The following HEATR1 variants were observed in gnomAD, a reference collection of about 807,000 sequenced individuals.
The protein encoded by HEATR1 is HEAT repeat-containing protein 1.
HEATR1 carries 77 observed loss-of-function variants against 248.2 expected under a neutral mutation model. The observed-to-expected ratio is 0.31, with a 90% CI of 0.26 to 0.37. The LOEUF is 0.37. Ranked by LOEUF, HEATR1 falls within the 10% of genes least tolerant of loss-of-function variation. The pLI, the probability that HEATR1 is intolerant of heterozygous loss-of-function variation, is 1.00. For missense variants in HEATR1, 2,420 were observed against 2,504.9 expected (o/e 0.97, Z 0.72); for synonymous variants, 897 against 923.1 (o/e 0.97, Z 0.51).
At chr1:236,556,355 G>T in intron 37 of HEATR1, 97 bp from the exon 38 acceptor site, 1 of 1,270,972 alleles carries the variant, frequency 7.9e-7, no homozygotes. Context: ...CTAGTGTTTG[G>T]AAAATGCTTA....
At chr1:236,603,120 G>C in intron 3 of HEATR1, 40 bp downstream of exon 3, 1 of 1,490,454 alleles carries the variant, frequency 6.7e-7, no homozygotes. Flanking sequence ...CAAGACCAAA[G>C]TGATTAACCC....
At chr1:236,586,071 T>A in intron 15 of HEATR1, 130 bp from the exon 16 acceptor site, 1 of 1,326,974 alleles carries the variant, frequency 7.5e-7, no homozygotes, top group East Asian at 2.5e-5. Flanking sequence ...TATCCGATTC[T>A]GAATTTGTCT....
chr1:236,559,527 T>G (rs1663066397), intron 34 of HEATR1, among the ~76,000 whole-genome samples, 187 bp downstream of exon 34: 1 of 152,232 alleles, frequency 6.6e-6, no homozygotes, highest in Non-Finnish European at 1.5e-5. Flanking sequence ...TCATAACTGG[T>G]AAGGAAACAA....
At chr1:236,591,883 G>C in intron 11 of HEATR1, 110 bp downstream of exon 11, 1 of 625,900 alleles carries the variant, frequency 1.6e-6, no homozygotes, top group East Asian at 2.5e-5. Flanking sequence ...GGTTATCTCT[G>C]TAAAATTTTC....
At position 236,549,251 on chromosome 1, in the gene HEATR1, C is replaced by A. The variant is rs1662600140; in HGVS notation, c.*1651G>T. 2 of 343,420 alleles carry A rather than the reference C, an allele frequency of 5.8e-6. No individual in the cohort carries two copies. The highest frequency in any genetic ancestry group is 2.1e-5 in the African/African-American group (1 of 47,532). 21.3% of individuals were successfully genotyped at this position (343,420 alleles called of 1,614,324 possible). A position where few individuals can be genotyped will look rare whatever the true frequency, so the allele number is the denominator to read the frequency against. ...TCCACTTTACGTGATTAAAATCAAA[C>A]CTGTATCAGCAAGTTAAATGGTTCC... On this transcript the variant is annotated 3_prime_UTR_variant, in exon 45 of 45. Transcript: ENST00000366582.
rs771807087 is a variant in HEATR1 at position 236,555,670 on chromosome 1, G to C, written c.5650-15C>G. On this transcript the variant is annotated splice_polypyrimidine_tract_variant and intron_variant, in intron 39 of 44. Coordinates refer to ENST00000366582, the MANE Select transcript of HEATR1 (RefSeq NM_018072.6). The stretch of plus-strand genomic sequence containing the variant: ...TCCAGATCGTTCTGAAAACAGAAGA[G>C]CCCATTTATTAGAGTGCTGATACCT... 2 of 1,612,650 alleles carry C rather than the reference G, an allele frequency of 1.2e-6. No homozygotes were observed. The highest frequency in any genetic ancestry group is 2.2e-5 in the South Asian group (2 of 91,034).
chr1:236,550,787 TA>T lies in HEATR1; in HGVS notation c.*114del. 1.4e-6 allele frequency: 1 copy of T among 734,492 alleles called. No individual in the cohort carries two copies. Among genetic ancestry groups the T allele is most frequent in the Non-Finnish European group, 2.2e-6 (1 of 446,386 alleles). 45.5% of individuals were successfully genotyped at this position (734,492 alleles called of 1,614,324 possible). ...AAAGAAGTGATAAAACATTTGTAAG[TA>T]ATCCAAGTAGGTGTATTAAGGCACC... is the stretch of plus-strand genomic sequence containing the variant. On this transcript the variant is annotated 3_prime_UTR_variant, in exon 45 of 45. Coordinates refer to ENST00000366582, the MANE Select transcript of HEATR1 (RefSeq NM_018072.6).
At chr1:236,564,773 C>A in intron 31 of HEATR1, 112 bp from the exon 32 acceptor site, 1 of 1,011,156 alleles carries the variant, frequency 9.9e-7, no homozygotes, top group South Asian at 1.8e-5. Flanking sequence ...AACATTTTCC[C>A]AGAGAAATGT....
rs1384993003 is a variant in HEATR1 at position 236,586,551 on chromosome 1, C to T, written c.1716-99G>A. On this transcript the variant is annotated intron_variant, in intron 14 of 44. Coordinates refer to ENST00000366582, the MANE Select transcript of HEATR1 (RefSeq NM_018072.6). ...ATTACTCCAGCTTAACTGACAATAT[C>T]CTGGTCTCCTGACCAAAACTATTAT... 6 of 735,240 alleles carry T rather than the reference C, an allele frequency of 8.2e-6. No homozygotes were observed. The Admixed American group carries it at 1.4e-4, about 17-fold the overall frequency. The allele number at this position is 735,240 out of a possible 1,614,324, so 45.5% of individuals were successfully genotyped here. A position where few individuals can be genotyped will look rare whatever the true frequency, so the allele number is the denominator to read the frequency against.
chr1:236,571,488 A>T lies in HEATR1; in HGVS notation c.3827-16T>A, dbSNP rs1366886824. The T allele has an allele frequency of 6.2e-7, 1 of 1,613,502 alleles. No homozygotes were observed. On this transcript the variant is annotated splice_polypyrimidine_tract_variant and intron_variant, in intron 27 of 44. Coordinates refer to ENST00000366582, the MANE Select transcript of HEATR1 (RefSeq NM_018072.6). ...TCTAAAATATCTACAATGGTGAGAA[A>T]GACAAAAACCCTAAGTGGCAGGTAC... is the stretch of plus-strand genomic sequence containing the variant.
At chr1:236,572,178 G>A (rs114450769) in intron 26 of HEATR1, among the ~76,000 whole-genome samples, 350 of 152,282 alleles carry the variant, frequency 2.3e-3, no homozygotes, top group African/African-American at 8.0e-3. Context: ...AAAGTTCAGA[G>A]GAAAGTAGGC....
intron 8 of HEATR1, 82 bp from the exon 9 acceptor site, chr1:236,594,196 T>C: frequency 1.1e-6 from 1 of 891,904 alleles, no homozygotes; most frequent in Non-Finnish European, 1.7e-6. Context: ...TAGCAGAAAA[T>C]CGTTCTCAGA....
chr1:236,604,302 G>A (rs975037861), intron 1 of HEATR1, 120 bp downstream of exon 1: 9 of 467,664 alleles, frequency 1.9e-5, no homozygotes, highest in East Asian at 1.1e-4. Flanking sequence ...AATTACAGTA[G>A]CGGCGACCGC....
intron 3 of HEATR1, among the ~76,000 whole-genome samples, chr1:236,600,556 G>C (rs1344028195): frequency 1.3e-5 from 2 of 148,692 alleles, no homozygotes; most frequent in Non-Finnish European, 3.0e-5. Context: ...TTTTTTTCCA[G>C]AGTCTACTTG....
Position 236,557,178 on chromosome 1 carries a change from T to C in HEATR1, c.5355+17A>G, listed in dbSNP as rs774045033. 8.7e-6 allele frequency: 14 copies of C among 1,612,904 alleles called. 1 individual carries two copies. The South Asian group carries it at 1.5e-4, about 18-fold the overall frequency. ...CCCAGCCACCCTGCGTAGCATGTCG[T>C]GGCTATCGTGGCTCACCTGGGAGAG... On this transcript the variant is annotated intron_variant, in intron 37 of 44. Transcript: ENST00000366582.
In HEATR1 at chr1:236,572,651, A is replaced by C. The variant is rs375277896; in HGVS notation, c.3563+74T>G. The C allele has an allele frequency of 1.0e-5, 16 of 1,598,234 alleles. No individual in the cohort carries two copies. The South Asian group carries it at 1.7e-4, about 17-fold the overall frequency. On this transcript the variant is annotated intron_variant, in intron 25 of 44. Transcript: ENST00000366582. ...GATTATAGCAAATTGATGAGTATCA[A>C]AAAGTTCCAATGGTTTCATAACATT...
Position 236,549,052 on chromosome 1 carries a change from A to G in HEATR1, c.*1850T>C, listed in dbSNP as rs889262534. On this transcript the variant is annotated 3_prime_UTR_variant, in exon 45 of 45. Transcript: ENST00000366582. ...GGCAACAAAGTAAGGTCAGGATTAG[A>G]CTTCAGGCATTCATAAGGCAGGCAC... 7.5e-5 allele frequency: 30 copies of G among 398,460 alleles called. No homozygotes were observed. In the Admixed American group the frequency reaches 1.2e-3, roughly 16 times the overall value. 24.7% of individuals were successfully genotyped at this position (398,460 alleles called of 1,614,324 possible). A position where few individuals can be genotyped will look rare whatever the true frequency, so the allele number is the denominator to read the frequency against.
At chr1:236,557,454 T>G in intron 36 of HEATR1, 109 bp from the exon 37 acceptor site, 1 of 1,131,380 alleles carries the variant, frequency 8.8e-7, no homozygotes, top group Non-Finnish European at 1.3e-6. Context: ...ATTACATCGC[T>G]ATCTGCTTCA....
chr1:236,574,510 T>C, intron 23 of HEATR1, 151 bp downstream of exon 23: 3 of 1,195,918 alleles, frequency 2.5e-6, no homozygotes, highest in South Asian at 3.1e-5. Flanking sequence ...ATGGGTCAAA[T>C]ACATCATTTT....
Sources: allele counts gnomAD v4.1 joint callset (sites outside exome capture counted in the v4.1 genomes callset), GRCh38; gene constraint gnomAD v4.1.1; transcripts MANE v1.5; gene names NCBI Gene and HGNC (gene_info 2026-07-23, HGNC 2026-07-21).